CACNA2D1: variants seen among roughly 807,000 people sequenced by gnomAD.
CACNA2D1 encodes the protein voltage-dependent calcium channel subunit alpha-2/delta-1.
Under a neutral mutation model 171.5 loss-of-function variants are expected in CACNA2D1, and 53 were observed. The observed-to-expected ratio is 0.31, with a 90% CI of 0.25 to 0.39. The LOEUF is 0.39. Ranked by LOEUF, CACNA2D1 falls within the 10% of genes least tolerant of loss-of-function variation. The probability of loss-of-function intolerance (pLI) is 1.00; values close to 1 mark genes in which losing one functional copy is unlikely to be tolerated. For missense variants in CACNA2D1, 903 were observed against 1,299.8 expected, an observed-to-expected ratio of 0.69 and a Z score of 4.69; for synonymous variants, 442 against 443.1, an observed-to-expected ratio of 1.00 and a Z score of 0.03.
chr7:82,020,102 C>T (rs1016097970), intron 12 of CACNA2D1, among the ~76,000 whole-genome samples: 1 of 152,044 alleles, frequency 6.6e-6, no homozygotes, highest in African/African-American at 2.4e-5. Context: ...TTTATAAAGC[C>T]CAAGGATCTG....
chr7:82,321,437 C>T (rs1437637018), intron 3 of CACNA2D1, among the ~76,000 whole-genome samples: 1 of 151,818 alleles, frequency 6.6e-6, no homozygotes, highest in Non-Finnish European at 1.5e-5. Context: ...TAGAGTCTTA[C>T]CCCCTCCTCA....
chr7:82,326,017 A>T (rs1177911442), intron 3 of CACNA2D1, among the ~76,000 whole-genome samples: 1 of 152,138 alleles, frequency 6.6e-6, no homozygotes, highest in Admixed American at 6.6e-5. Context: ...GGGTATGGGC[A>T]TGAGTGCACT....
At chr7:82,318,936 A>C (rs1361836863) in intron 3 of CACNA2D1, among the ~76,000 whole-genome samples, 1 of 152,176 alleles carries the variant, frequency 6.6e-6, no homozygotes, top group Non-Finnish European at 1.5e-5. Context: ...AATTAAATGG[A>C]AAAATCTGTG....
At chr7:82,218,414 C>A (rs767539591) in intron 3 of CACNA2D1, among the ~76,000 whole-genome samples, 1 of 152,134 alleles carries the variant, frequency 6.6e-6, no homozygotes, top group Non-Finnish European at 1.5e-5. Context: ...GACCAAGAAG[C>A]AGTAAGCCTG....
At chr7:82,273,874 T>C (rs1453169673) in intron 3 of CACNA2D1, among the ~76,000 whole-genome samples, 2 of 152,172 alleles carry the variant, frequency 1.3e-5, no homozygotes, top group Admixed American at 6.5e-5. Flanking sequence ...TACCTGGGTG[T>C]AGAATTAAGA....
At chr7:82,106,837 A>C (rs1277898339) in intron 6 of CACNA2D1, among the ~76,000 whole-genome samples, 1 of 152,168 alleles carries the variant, frequency 6.6e-6, no homozygotes, top group Non-Finnish European at 1.5e-5. Context: ...CACACTAGAC[A>C]GTGTGCTAGG....
At chr7:82,401,476 T>C (rs1010568895) in intron 1 of CACNA2D1, among the ~76,000 whole-genome samples, 6 of 148,586 alleles carry the variant, frequency 4.0e-5, no homozygotes, top group African/African-American at 1.5e-4. Flanking sequence ...AAACACCGCA[T>C]ATTCTCACTC....
intron 18 of CACNA2D1, among the ~76,000 whole-genome samples, chr7:81,998,576 T>G (rs1261549294): frequency 1.3e-5 from 2 of 152,074 alleles, no homozygotes; most frequent in Non-Finnish European, 2.9e-5. Flanking sequence ...AATTTTTGAT[T>G]CCTATGGTTT....
At position 82,185,767 on chromosome 7, in the gene CACNA2D1, G is replaced by A. The variant is rs544323099; in HGVS notation, c.295-15158C>T. On this transcript the variant is annotated intron_variant, in intron 3 of 38. Coordinates refer to ENST00000356860, the MANE Select transcript of CACNA2D1 (RefSeq NM_000722.4). ...AAGAGCAGATGAGATGTTCTTTTAA[G>A]AGATTTATTAATATTTATCCAGGGT... Among the ~76,000 whole-genome samples the A allele has an allele frequency of 3.3e-4, 50 of 152,128 alleles. 1 individual carries two copies. The South Asian group carries it at 1.0e-2, about 30-fold the overall frequency.
At chr7:82,399,671 C>T (rs1826134825) in intron 1 of CACNA2D1, among the ~76,000 whole-genome samples, 2 of 150,734 alleles carry the variant, frequency 1.3e-5, no homozygotes, top group African/African-American at 4.9e-5. Flanking sequence ...TAGAAGATTC[C>T]ATCTCCCTCC....
chr7:82,003,108 T>C lies in CACNA2D1; in HGVS notation c.1590+2315A>G, dbSNP rs551423539. Among the ~76,000 whole-genome samples the C allele has an allele frequency of 3.3e-5, 5 of 152,252 alleles. No individual in the cohort carries two copies. In the East Asian group the frequency reaches 7.7e-4, roughly 24 times the overall value. On this transcript the variant is annotated intron_variant, in intron 18 of 38. Transcript: ENST00000356860. Reference sequence around the variant, plus strand: ...TTTTATGAGGTCTTGTATCAATCTGTATAGCGTGCTCCTTTAGCCACTAAA... The same window carrying C: ...TTTTATGAGGTCTTGTATCAATCTGCATAGCGTGCTCCTTTAGCCACTAAA...
At chr7:82,108,709 C>A (rs946515132) in intron 6 of CACNA2D1, among the ~76,000 whole-genome samples, 1 of 152,098 alleles carries the variant, frequency 6.6e-6, no homozygotes, top group African/African-American at 2.4e-5. Context: ...ATATTGTTCT[C>A]TATGAATATG....
intron 3 of CACNA2D1, among the ~76,000 whole-genome samples, chr7:82,236,072 T>A (rs921583394): frequency 2.6e-5 from 4 of 151,910 alleles, no homozygotes; most frequent in Non-Finnish European, 5.9e-5. Flanking sequence ...CAGAAATGAG[T>A]AGGCTAACAT....
At chr7:82,274,427 T>C (rs1327023814) in intron 3 of CACNA2D1, among the ~76,000 whole-genome samples, 1 of 152,192 alleles carries the variant, frequency 6.6e-6, no homozygotes, top group Non-Finnish European at 1.5e-5. Flanking sequence ...GTATCCCTAG[T>C]TCCTAGAAAT....
intron 6 of CACNA2D1, among the ~76,000 whole-genome samples, chr7:82,107,582 TAAA>T (rs1787903182): frequency 9.0e-6 from 1 of 111,624 alleles, no homozygotes; most frequent in Non-Finnish European, 1.9e-5. Flanking sequence ...ACAATGAAAA[TAAA>T]CTTTTTTTTT....
Position 82,443,427 on chromosome 7 carries a change from C to G in CACNA2D1, c.33G>C (p.Leu11=), listed in dbSNP as rs1196500191. Residue 11 remains leucine (L), a synonymous_variant, in exon 1 of 39, where the codon CTG becomes CTC. Coordinates refer to ENST00000356860, the MANE Select transcript of CACNA2D1 (RefSeq NM_000722.4). ...CGATGAGCAAAGATTGGAAAAGTGT[C>G]AGAGTCAAGGCCAGCAGGCAGCCAG... MAAGCLLALT[L]TLFQSLLIGP... 1.9e-6 allele frequency: 3 copies of G among 1,607,950 alleles called. No individual in the cohort carries two copies. The highest frequency in any genetic ancestry group is 3.4e-5 in the Admixed American group (2 of 59,518).
intron 1 of CACNA2D1, among the ~76,000 whole-genome samples, chr7:82,370,562 G>GATGT (rs1822281747): frequency 7.2e-6 from 1 of 137,978 alleles, no homozygotes; most frequent in African/African-American, 2.7e-5. Flanking sequence ...TGGATGGATG[G>GATGT]ATGGATGGAT....
intron 33 of CACNA2D1, 33 bp from the exon 34 acceptor site, chr7:81,964,141 G>C: frequency 1.9e-6 from 3 of 1,606,792 alleles, no homozygotes; most frequent in Non-Finnish European, 2.6e-6. Flanking sequence ...CATTTCAGTA[G>C]TCTACTTGAT....
chr7:82,106,720 G>A (rs1787805862), intron 6 of CACNA2D1, among the ~76,000 whole-genome samples: 1 of 152,030 alleles, frequency 6.6e-6, no homozygotes, highest in Admixed American at 6.5e-5. Flanking sequence ...ATCTAGTATT[G>A]TAAAATACTT....
Sources: allele counts gnomAD v4.1 joint callset (sites outside exome capture counted in the v4.1 genomes callset), GRCh38; gene constraint gnomAD v4.1.1; transcripts MANE v1.5; gene names NCBI Gene and HGNC (gene_info 2026-07-23, HGNC 2026-07-21).